The following DYM variants were observed in gnomAD, a reference collection of about 807,000 sequenced individuals.
DYM encodes dyggve-Melchior-Clausen syndrome protein.
A neutral mutation model predicts 93.1 loss-of-function variants in DYM; 78 were observed. The ratio of observed to expected loss-of-function variants is 0.84; its 90% CI spans 0.70 to 1.01. The LOEUF is 1.01. Among genes scored for constraint, DYM ranks in the 50% least tolerant of loss-of-function variants. The pLI is 0.00. For missense variants in DYM, 789 were observed against 845.0 expected, an observed-to-expected ratio of 0.93 and a Z score of 0.82; for synonymous variants, 321 against 319.7, an observed-to-expected ratio of 1.00 and a Z score of -0.04.
chr18:49,114,511 G>A, intron 16 of DYM: 1 of 972,144 alleles, frequency 1.0e-6, no homozygotes, highest in Non-Finnish European at 1.2e-6. Context: ...TACTTACAGT[G>A]AGGTCCTTTC....
At chr18:49,117,694 A>G (rs1345219172) in intron 16 of DYM, among the ~76,000 whole-genome samples, 1 of 152,170 alleles carries the variant, frequency 6.6e-6, no homozygotes, top group African/African-American at 2.4e-5. Context: ...TAACATTCTC[A>G]AATCTGCTCT....
chr18:49,391,011 C>T (rs1302280725), intron 3 of DYM, among the ~76,000 whole-genome samples: 11 of 152,142 alleles, frequency 7.2e-5, no homozygotes, highest in Admixed American at 5.2e-4. Context: ...AAAAGGGTAA[C>T]ATTTGCTGAC....
intron 6 of DYM, among the ~76,000 whole-genome samples, chr18:49,346,781 G>A (rs1488533308): frequency 6.6e-6 from 1 of 152,100 alleles, no homozygotes; most frequent in Non-Finnish European, 1.5e-5. Flanking sequence ...CCTTTTATGT[G>A]GAAGCAAGGT....
intron 11 of DYM, 114 bp downstream of exon 11, chr18:49,272,064 A>T (rs2094717439): frequency 1.1e-6 from 1 of 933,558 alleles, no homozygotes; most frequent in South Asian, 1.7e-5. Context: ...AACATTTCTA[A>T]TACAGGTTCT....
intron 16 of DYM, among the ~76,000 whole-genome samples, chr18:49,117,233 T>A (rs2081991622): frequency 6.6e-6 from 1 of 152,226 alleles, no homozygotes; most frequent in Non-Finnish European, 1.5e-5. Context: ...GGCAAAATAT[T>A]TTGCTATAGC....
At chr18:49,309,089 G>A (rs2061437867) in intron 8 of DYM, among the ~76,000 whole-genome samples, 1 of 152,158 alleles carries the variant, frequency 6.6e-6, no homozygotes, top group Non-Finnish European at 1.5e-5. Flanking sequence ...TTATCGCAGA[G>A]CTAGACAAGA....
chr18:49,457,609 A>C (rs1285207191), intron 1 of DYM, among the ~76,000 whole-genome samples: 2 of 152,214 alleles, frequency 1.3e-5, no homozygotes, highest in Non-Finnish European at 2.9e-5. Flanking sequence ...GCAGCAAAAG[A>C]AATCACCTAC....
chr18:49,390,000 C>A (rs1202147442), intron 3 of DYM, among the ~76,000 whole-genome samples: 2 of 152,172 alleles, frequency 1.3e-5, no homozygotes, highest in African/African-American at 2.4e-5. Flanking sequence ...ATTTTCAGCA[C>A]TGAATTGCGA....
chr18:49,332,650 G>A (rs1272501183), intron 7 of DYM, among the ~76,000 whole-genome samples: 2 of 152,096 alleles, frequency 1.3e-5, no homozygotes, highest in Non-Finnish European at 2.9e-5. Flanking sequence ...ATTCTTTAAT[G>A]TACTATTGAG....
At chr18:49,344,098 G>A (rs937014449) in intron 6 of DYM, among the ~76,000 whole-genome samples, 4 of 152,120 alleles carry the variant, frequency 2.6e-5, no homozygotes, top group Admixed American at 6.5e-5. Flanking sequence ...GTAATAAATG[G>A]TATTGAAGAT....
At chr18:49,209,831 G>GA (rs564199875) in intron 13 of DYM, 116 bp from the exon 14 acceptor site, 30,587 of 410,672 alleles carry the variant, frequency 0.074, 9 homozygotes, top group South Asian at 0.12. Context: ...TGGTGCCCAA[G>GA]AAAAAAAAAA....
chr18:49,144,664 T>C (rs976249649), intron 15 of DYM, among the ~76,000 whole-genome samples: 57 of 152,292 alleles, frequency 3.7e-4, no homozygotes, highest in African/African-American at 1.3e-3. Flanking sequence ...AGAAGTAGAA[T>C]GACTAGACAT....
intron 17 of DYM, among the ~76,000 whole-genome samples, chr18:49,071,716 T>A (rs1312894473): frequency 6.6e-6 from 1 of 152,092 alleles, no homozygotes; most frequent in African/African-American, 2.4e-5. Context: ...GTGAAGCCGC[T>A]CCAAAGGGGG....
At chr18:49,268,641 T>C (rs998126994) in intron 11 of DYM, among the ~76,000 whole-genome samples, 1 of 152,206 alleles carries the variant, frequency 6.6e-6, no homozygotes, top group African/African-American at 2.4e-5. Flanking sequence ...CTTTTTCTTG[T>C]TCTGATTATT....
At chr18:49,225,225 C>T (rs117617384) in intron 13 of DYM, among the ~76,000 whole-genome samples, 228 of 152,184 alleles carry the variant, frequency 1.5e-3, no homozygotes, top group Non-Finnish European at 2.8e-3. Context: ...CATGCGTGCA[C>T]ACACACAATT....
At chr18:49,221,940 G>A (rs982851484) in intron 13 of DYM, among the ~76,000 whole-genome samples, 16 of 151,066 alleles carry the variant, frequency 1.1e-4, no homozygotes, top group Non-Finnish European at 2.1e-4. Context: ...TGAGAATCAG[G>A]CAGCAACCTT....
At chr18:49,199,561 C>T (rs1163388993) in intron 14 of DYM, among the ~76,000 whole-genome samples, 1 of 152,138 alleles carries the variant, frequency 6.6e-6, no homozygotes, top group African/African-American at 2.4e-5. Context: ...CAAAAGGAAA[C>T]CATAATGGTT....
chr18:49,343,952 A>T (rs1394011960), intron 6 of DYM, among the ~76,000 whole-genome samples: 1 of 75,802 alleles, frequency 1.3e-5, no homozygotes, highest in Admixed American at 1.1e-4. Flanking sequence ...ACACCACATT[A>T]AAAAAAAAAA....
At chr18:49,045,156 A>G (rs1433342713) in intron 17 of DYM, among the ~76,000 whole-genome samples, 1 of 151,992 alleles carries the variant, frequency 6.6e-6, no homozygotes, top group Non-Finnish European at 1.5e-5. Flanking sequence ...GGGTGGGGAG[A>G]GAGGGGACAG....
Sources: allele counts gnomAD v4.1 joint callset (sites outside exome capture counted in the v4.1 genomes callset), GRCh38; gene constraint gnomAD v4.1.1; transcripts MANE v1.5; gene names NCBI Gene and HGNC (gene_info 2026-07-23, HGNC 2026-07-21).